The following MYH10 variants were observed in gnomAD, a reference collection of about 807,000 sequenced individuals.
MYH10 encodes myosin heavy chain 10.
MYH10 carries 55 observed loss-of-function variants against 257.8 expected under a neutral mutation model. The ratio of observed to expected loss-of-function variants is 0.21; its 90% confidence interval spans 0.17 to 0.27. The LOEUF is 0.27. Among genes scored for constraint, MYH10 ranks in the 10% least tolerant of loss-of-function variants. The pLI, the probability that MYH10 is intolerant of heterozygous loss-of-function variation, is 1.00. For synonymous variants in MYH10, 854 were observed against 921.7 expected (o/e 0.93, Z 1.33); for missense variants, 1,631 against 2,500.6 (o/e 0.65, Z 7.42).
chr17:8,532,513 CAT>C (rs1298758171), intron 16 of MYH10, among the ~76,000 whole-genome samples: 1 of 152,212 alleles, frequency 6.6e-6, no homozygotes, highest in African/African-American at 2.4e-5. Context: ...ACCTGTAAGA[CAT>C]AGCATCTGTG....
At chr17:8,511,158 G>C (rs1472799724) in intron 24 of MYH10, 10 of 151,102 alleles carry the variant, frequency 6.6e-5, no homozygotes, top group Non-Finnish European at 1.3e-4. Context: ...TTGTCTAGCA[G>C]GATTTCTGGT....
chr17:8,572,253 TGTGTGA>T (rs1567920198), intron 6 of MYH10, among the ~76,000 whole-genome samples: 2 of 93,698 alleles, frequency 2.1e-5, no homozygotes, highest in African/African-American at 7.6e-5. Flanking sequence ...TGTGTGTGTG[TGTGTGA>T]GTGAGAGAGA....
At chr17:8,591,124 G>A (rs777075164) in intron 3 of MYH10, among the ~76,000 whole-genome samples, 11 of 151,976 alleles carry the variant, frequency 7.2e-5, no homozygotes, top group Admixed American at 2.6e-4. Context: ...CACCCACCTC[G>A]GCCTCCCAAA....
chr17:8,562,099 T>G (rs1227745763), intron 7 of MYH10, among the ~76,000 whole-genome samples: 1 of 152,256 alleles, frequency 6.6e-6, no homozygotes, highest in African/African-American at 2.4e-5. Context: ...TTATCAACTT[T>G]CTAGCTAAAT....
At chr17:8,523,474 A>C (rs1828321503) in intron 17 of MYH10, among the ~76,000 whole-genome samples, 2 of 152,264 alleles carry the variant, frequency 1.3e-5, no homozygotes, top group South Asian at 4.1e-4. Flanking sequence ...ATAATACCCC[A>C]AAATTAACAA....
At chr17:8,487,384 C>T in intron 36 of MYH10, 49 bp downstream of exon 36, 5 of 1,608,978 alleles carry the variant, frequency 3.1e-6, no homozygotes, top group Non-Finnish European at 4.2e-6. Context: ...GTAAAAGCCA[C>T]ATAGGTCACG....
At chr17:8,507,596 A>G (rs529638393) in intron 26 of MYH10, among the ~76,000 whole-genome samples, 1 of 152,356 alleles carries the variant, frequency 6.6e-6, no homozygotes, top group East Asian at 1.9e-4. Context: ...GATTAAACAC[A>G]ATGGTCTGTA....
intron 5 of MYH10, 84 bp from the exon 6 acceptor site, chr17:8,576,756 A>T: frequency 7.4e-7 from 1 of 1,348,886 alleles, no homozygotes; most frequent in Non-Finnish European, 1.0e-6. Flanking sequence ...GCACCAAGCC[A>T]ATGTGCAGTT....
intron 31 of MYH10, among the ~76,000 whole-genome samples, chr17:8,494,488 G>A (rs1423411161): frequency 2.0e-5 from 3 of 152,018 alleles, no homozygotes; most frequent in Non-Finnish European, 2.9e-5. Flanking sequence ...GTGTGCTTTG[G>A]TAAAAATGAA....
chr17:8,606,529 C>G (rs554775652), intron 2 of MYH10, among the ~76,000 whole-genome samples: 1 of 152,180 alleles, frequency 6.6e-6, no homozygotes, highest in Non-Finnish European at 1.5e-5. Flanking sequence ...CAGCCGTGTT[C>G]ATAAGAGCTG....
chr17:8,626,016 C>T (rs1297477768), intron 1 of MYH10, among the ~76,000 whole-genome samples: 2 of 151,996 alleles, frequency 1.3e-5, no homozygotes, highest in Admixed American at 1.3e-4. Context: ...AAACAAAAAC[C>T]GCAAAATAAG....
chr17:8,553,868 G>A, intron 8 of MYH10, 87 bp downstream of exon 8: 1 of 1,036,748 alleles, frequency 9.6e-7, no homozygotes, highest in Non-Finnish European at 1.5e-6. Flanking sequence ...CTGGATTTTG[G>A]GAGTGATATC....
At chr17:8,579,190 G>A (rs2083608523) in intron 4 of MYH10, among the ~76,000 whole-genome samples, 1 of 151,644 alleles carries the variant, frequency 6.6e-6, no homozygotes, top group African/African-American at 2.4e-5. Context: ...GAGGTGGGAA[G>A]ATCTCTCGAG....
chr17:8,538,743 T>C (rs1481047712), intron 14 of MYH10, among the ~76,000 whole-genome samples: 1 of 152,204 alleles, frequency 6.6e-6, no homozygotes, highest in Non-Finnish European at 1.5e-5. Flanking sequence ...ACGAGTTACC[T>C]AGTTCTACTC....
chr17:8,514,671 T>G (rs1424745956), intron 21 of MYH10, among the ~76,000 whole-genome samples: 1 of 151,176 alleles, frequency 6.6e-6, no homozygotes, highest in East Asian at 2.0e-4. Context: ...TGAAGCTCAT[T>G]ACCTTGCGGT....
intron 3 of MYH10, among the ~76,000 whole-genome samples, chr17:8,602,076 C>T (rs1014600892): frequency 2.6e-5 from 4 of 151,476 alleles, no homozygotes; most frequent in Admixed American, 6.6e-5. Context: ...CCCGGGTTCA[C>T]GCCATTCTCC....
In MYH10 at chr17:8,475,904, C is replaced by T. The variant is rs758465342; in HGVS notation, c.5924G>A (p.Arg1975His). Residue 1975 changes from arginine (R) to histidine (H), a missense_variant, in exon 43 of 43, where the codon CGC (arginine) becomes CAC (histidine). Physicochemically the swap from Arg to His is conservative, Grantham distance 29. Transcript: ENST00000360416. ...GGAAGCTCCTTCAAGGTGCAGCTGG[C>T]GCCGGCCAGATCGGCTGGAAGAGAA... The part of the protein sequence containing the change: ...ISFSSSRSGR[R>H]QLHLEGASLE... 2.0e-5 allele frequency: 32 copies of T among 1,613,980 alleles called. No homozygotes were observed. Among genetic ancestry groups the T allele is most frequent in the Middle Eastern group, 1.6e-4 (1 of 6,082 alleles).
chr17:8,581,280 C>T (rs1366280280), intron 4 of MYH10, among the ~76,000 whole-genome samples: 2 of 152,278 alleles, frequency 1.3e-5, no homozygotes, highest in East Asian at 3.9e-4. Context: ...ATTAGAAATA[C>T]TGAGTGTTTC....
intron 13 of MYH10, among the ~76,000 whole-genome samples, chr17:8,543,493 T>TA (rs2082356185): frequency 6.6e-6 from 1 of 151,662 alleles, no homozygotes; most frequent in Non-Finnish European, 1.5e-5. Flanking sequence ...TTTTTTTTTT[T>TA]TTTAGGAGTC....
Sources: allele counts gnomAD v4.1 joint callset (sites outside exome capture counted in the v4.1 genomes callset), GRCh38; gene constraint gnomAD v4.1.1; transcripts MANE v1.5; gene names NCBI Gene and HGNC (gene_info 2026-07-23, HGNC 2026-07-21).